Variants in TAF5 observed in about 807,000 individuals in gnomAD.
The protein encoded by TAF5 is TATA-box binding protein associated factor 5, also known as transcription initiation factor TFIID subunit 5.
Under a neutral mutation model 80.9 loss-of-function variants are expected in TAF5, and 20 were observed. That is an observed-to-expected ratio of 0.25 (90% CI 0.17 to 0.36). TAF5 has a LOEUF of 0.36. Ranked by LOEUF, TAF5 falls within the 10% of genes least tolerant of loss-of-function variation. TAF5 has a pLI of 1.00. For missense variants in TAF5, 863 were observed against 1,029.4 expected (o/e 0.84, Z 2.21); for synonymous variants, 388 against 406.4 (o/e 0.95, Z 0.55).
At position 103,383,322 on chromosome 10, in the gene TAF5, A is replaced by G. The variant is rs754021084; in HGVS notation, c.1619A>G (p.Tyr540Cys). ...EKTASELKILYGHSGPVYGAS... is the reference protein window; with the variant it reads ...EKTASELKILCGHSGPVYGAS... The stretch of plus-strand genomic sequence containing the variant: ...ACAGCAAGTGAGTTGAAGATTTTGT[A>G]TGGTCACAGTGGGCCTGTCTACGGA... The change falls in exon 7 of 11, where the codon TAT (tyrosine) becomes TGT (cysteine). Residue 540 changes from tyrosine (Y) to cysteine (C), a missense_variant. Around this residue, in one of 3 missense-constraint regions of TAF5, gnomAD observed 368 missense variants for 461.7 expected, o/e 0.80. Transcript: ENST00000369839. 5 of 1,607,724 alleles carry G rather than the reference A, an allele frequency of 3.1e-6. No homozygotes were observed. Among genetic ancestry groups the G allele is most frequent in the Admixed American group, 1.7e-5 (1 of 57,558 alleles).
chr10:103,374,569 C>A lies in TAF5; in HGVS notation c.797+974C>A, dbSNP rs1169237397. On this transcript the variant is annotated intron_variant, in intron 2 of 10. Transcript: ENST00000369839. This position sits in a 1 kb window ranked among gnomAD's most constrained non-coding sequence, Gnocchi z 4.3. ...AGTCTTTACCTAAGTGTCTATGTGC[C>A]CAGCTGATATTCAGGTTTTCTTTTA... Among the ~76,000 whole-genome samples, 1 of 152,082 alleles carries A rather than the reference C, an allele frequency of 6.6e-6. No homozygotes were observed. Among genetic ancestry groups the A allele is most frequent in the Admixed American group, 6.6e-5 (1 of 15,244 alleles).
Position 103,383,330 on chromosome 10 carries a change from A to C in TAF5, c.1627A>C (p.Ser543Arg). The change falls in exon 7 of 11, where the codon AGT becomes CGT. Residue 543 changes from serine to arginine, a missense_variant. Coordinates refer to ENST00000369839, the MANE Select transcript of TAF5 (RefSeq NM_006951.5). Reference sequence around the variant, plus strand: ...TGAGTTGAAGATTTTGTATGGTCACAGTGGGCCTGTCTACGGAGCCAGCTT... The same window carrying C: ...TGAGTTGAAGATTTTGTATGGTCACCGTGGGCCTGTCTACGGAGCCAGCTT... The part of the protein sequence containing the change: ...ASELKILYGH[S>R]GPVYGASFSP... 1 of 1,605,650 alleles carries C rather than the reference A, an allele frequency of 6.2e-7. No homozygotes were observed. The highest frequency in any genetic ancestry group is 8.5e-7 in the Non-Finnish European group (1 of 1,177,806).
At chr10:103,369,433 A>G (rs2093353987) in intron 1 of TAF5, among the ~76,000 whole-genome samples, 1 of 151,176 alleles carries the variant, frequency 6.6e-6, no homozygotes, top group East Asian at 1.9e-4. Context: ...ATCTTAGCTC[A>G]CTGCAACCTC....
chr10:103,384,009 G>A (rs1463607749), intron 7 of TAF5, among the ~76,000 whole-genome samples: 1 of 151,092 alleles, frequency 6.6e-6, no homozygotes, highest in African/African-American at 2.4e-5. Context: ...ACCAACCAAA[G>A]CTTTAGTTTT....
At chr10:103,373,686 T>A in intron 2 of TAF5, 91 bp downstream of exon 2, 1 of 952,582 alleles carries the variant, frequency 1.0e-6, no homozygotes, top group Non-Finnish European at 1.5e-6. Context: ...CACAAAAATG[T>A]AAGACTGCAA....
At chr10:103,376,920 T>C (rs1482358664) in intron 2 of TAF5, among the ~76,000 whole-genome samples, 2 of 152,174 alleles carry the variant, frequency 1.3e-5, no homozygotes, top group East Asian at 1.9e-4. Context: ...GGCACGTGCC[T>C]GTAGTCCCAG....
chr10:103,379,896 T>C lies in TAF5; in HGVS notation c.1290T>C (p.Pro430=), dbSNP rs747157206. Residue 430 remains proline, a synonymous_variant, in exon 5 of 11, where the codon CCT becomes CCC. Coordinates refer to ENST00000369839, the MANE Select transcript of TAF5 (RefSeq NM_006951.5). ...NAPPQNRIPL[P]ELKDSDKLDK... ...TTTTCTTTCACAGAATCCCTCTTCCTGAGTTGAAAGATTCAGATAAGTTGG... is the reference window on the plus strand; with the variant it reads ...TTTTCTTTCACAGAATCCCTCTTCCCGAGTTGAAAGATTCAGATAAGTTGG... 1 of 1,610,868 alleles carries C rather than the reference T, an allele frequency of 6.2e-7. No homozygotes were observed. The highest frequency in any genetic ancestry group is 8.5e-7 in the Non-Finnish European group (1 of 1,179,276).
At chr10:103,382,511 T>G (rs1564745913) in intron 6 of TAF5, among the ~76,000 whole-genome samples, 1 of 152,110 alleles carries the variant, frequency 6.6e-6, no homozygotes, top group Non-Finnish European at 1.5e-5. Flanking sequence ...GGTGGCTCAC[T>G]GCAACCTCCA....
rs1475889595 is a variant in TAF5, at chr10:103,389,011, T to G, written c.*788T>G. 1 of 152,670 alleles carries G rather than the reference T, an allele frequency of 6.6e-6. No homozygotes were observed. The highest frequency in any genetic ancestry group is 1.5e-5 in the Non-Finnish European group (1 of 68,044). 9.5% of individuals were successfully genotyped at this position (152,670 alleles called of 1,614,324 possible). ...TTGCCTTTGTTGCATTTTGTACAGT[T>G]TTTATATTTTTGATATCTTGTAAAT... On this transcript the variant is annotated 3_prime_UTR_variant, in exon 11 of 11. Coordinates refer to ENST00000369839, the MANE Select transcript of TAF5 (RefSeq NM_006951.5).
intron 5 of TAF5, 146 bp from the exon 6 acceptor site, chr10:103,381,575 A>T: frequency 3.1e-6 from 3 of 975,304 alleles, no homozygotes; most frequent in Non-Finnish European, 4.4e-6. Flanking sequence ...CCAATATTTT[A>T]AATCAAGAAT....
intron 1 of TAF5, among the ~76,000 whole-genome samples, chr10:103,372,125 C>T (rs1039968498): frequency 6.6e-6 from 1 of 150,972 alleles, no homozygotes; most frequent in Non-Finnish European, 1.5e-5. Context: ...TTAGTAGAGA[C>T]GGGGTTTCAC....
In TAF5 at chr10:103,388,936, G is replaced by A. The variant is rs2093404819; in HGVS notation, c.*713G>A. ...ATTTCAGTTGCTTACCTCCAGTACT[G>A]AGCCTTGCTTTGGGAAACTAAAAGA... On this transcript the variant is annotated 3_prime_UTR_variant, in exon 11 of 11. Transcript: ENST00000369839. 1 of 152,652 alleles carries A rather than the reference G, an allele frequency of 6.6e-6. No homozygotes were observed. The highest frequency in any genetic ancestry group is 2.4e-5 in the African/African-American group (1 of 41,464). 9.5% of individuals were successfully genotyped at this position (152,652 alleles called of 1,614,324 possible).
chr10:103,378,322 G>A lies in TAF5; in HGVS notation c.885G>A (p.Glu295=). The A allele has an allele frequency of 1.2e-6, 2 of 1,614,188 alleles. No homozygotes were observed. The highest frequency in any genetic ancestry group is 1.7e-6 in the Non-Finnish European group (2 of 1,180,028). The change falls in exon 3 of 11, where the codon GAG becomes GAA. Residue 295 remains glutamate (E), a synonymous_variant. Transcript: ENST00000369839. This position sits in a 1 kb window ranked among gnomAD's most constrained non-coding sequence, Gnocchi z 4.1. ...LTKKEHMKGN[E]TMLDFRTSKF... ...AAAAGGAACACATGAAAGGGAATGA[G>A]ACCATGTTGGATTTTCGAACAAGTA...
intron 3 of TAF5, 83 bp from the exon 4 acceptor site, chr10:103,379,525 A>G: frequency 8.5e-7 from 1 of 1,183,402 alleles, no homozygotes; most frequent in Non-Finnish European, 1.2e-6. Context: ...CTATTTTGTA[A>G]TTGTGATTTA....
At chr10:103,387,928 A>T (rs1592097506) in intron 10 of TAF5, 78 bp from the exon 11 acceptor site, 1 of 1,368,272 alleles carries the variant, frequency 7.3e-7, no homozygotes, top group African/African-American at 1.4e-5. Flanking sequence ...TGTACAGTAA[A>T]TACATAGTGT....
In TAF5 at chr10:103,379,897, G is replaced by A; in HGVS notation, c.1291G>A (p.Glu431Lys). 1 of 1,611,094 alleles carries A rather than the reference G, an allele frequency of 6.2e-7. No individual in the cohort carries two copies. The highest frequency in any genetic ancestry group is 8.5e-7 in the Non-Finnish European group (1 of 1,179,352). The change falls in exon 5 of 11, where the codon GAG (glutamate) becomes AAG (lysine). Residue 431 changes from glutamate (E) to lysine (K), a missense_variant. Transcript: ENST00000369839. Reference sequence around the variant, plus strand: ...TTTCTTTCACAGAATCCCTCTTCCTGAGTTGAAAGATTCAGATAAGTTGGA... The same window carrying A: ...TTTCTTTCACAGAATCCCTCTTCCTAAGTTGAAAGATTCAGATAAGTTGGA... ...APPQNRIPLP[E>K]LKDSDKLDKI...
At position 103,381,559 on chromosome 10, in the gene TAF5, G is replaced by T. The variant is rs118112722; in HGVS notation, c.1414-162G>T. On this transcript the variant is annotated intron_variant, in intron 5 of 10. Transcript: ENST00000369839. ...TGGGATTACAGGCATGAGCCAGTGCGCTTGGCCAATATTTTAAATCAAGAA... is the reference window on the plus strand; with the variant it reads ...TGGGATTACAGGCATGAGCCAGTGCTCTTGGCCAATATTTTAAATCAAGAA... Among the ~76,000 whole-genome samples, 588 of 152,302 alleles carry T rather than the reference G, an allele frequency of 3.9e-3. 1 individual carries two copies. Among genetic ancestry groups the T allele is most frequent in the Non-Finnish European group, 6.4e-3 (436 of 68,040 alleles).
At position 103,387,406 on chromosome 10, in the gene TAF5, A is replaced by T. The variant is rs2093399466; in HGVS notation, c.2007+54A>T. On this transcript the variant is annotated intron_variant, in intron 9 of 10. Transcript: ENST00000369839. ...CCAAGGTTGCTTTCAAAATAAAAAT[A>T]TTTTTTAAACAAGTGACACATAAAT... is the stretch of plus-strand genomic sequence containing the variant. 15 of 1,557,838 alleles carry T rather than the reference A, an allele frequency of 9.6e-6. No individual in the cohort carries two copies. The South Asian group carries it at 1.8e-4, about 19-fold the overall frequency.
Position 103,387,823 on chromosome 10 carries a change from C to T in TAF5, c.2185+125C>T, listed in dbSNP as rs555816082. The T allele has an allele frequency of 5.4e-5, 62 of 1,142,678 alleles. 1 individual carries two copies. The South Asian group carries it at 8.6e-4, about 16-fold the overall frequency. 70.8% of individuals were successfully genotyped at this position (1,142,678 alleles called of 1,614,324 possible). ...TTTAGCTATGATTCCAGAGTGTCAT[C>T]CTACATCAATCACTTCTCAGGTTAA... is the stretch of plus-strand genomic sequence containing the variant. On this transcript the variant is annotated intron_variant, in intron 10 of 10. Coordinates refer to ENST00000369839, the MANE Select transcript of TAF5 (RefSeq NM_006951.5).
Sources: gnomAD v4.1 joint callset for allele counts (sites outside exome capture counted in the v4.1 genomes callset) on GRCh38, gnomAD v4.1.1 for gene constraint, gnomAD v4.1.1 regional missense constraint, Gnocchi (gnomAD v3.1) non-coding constraint, MANE v1.5 for transcripts, NCBI Gene and HGNC (gene_info 2026-07-23, HGNC 2026-07-21) for gene names.